The following FAM184A variants were observed in gnomAD, a reference collection of about 807,000 sequenced individuals.
FAM184A encodes protein FAM184A.
Under a neutral mutation model 143.8 loss-of-function variants are expected in FAM184A, and 99 were observed. The ratio of observed to expected loss-of-function variants is 0.69; its 90% CI spans 0.58 to 0.81. The LOEUF (loss-of-function observed/expected upper bound fraction) is 0.81. Among genes scored for constraint, FAM184A ranks in the 40% least tolerant of loss-of-function variants. The pLI is 0.00. For missense variants in FAM184A, 1,217 were observed against 1,310.5 expected (o/e 0.93, Z 1.10); for synonymous variants, 427 against 446.4 (o/e 0.96, Z 0.55).
At chr6:119,082,317 C>T (rs1334044270), upstream of FAM184A, among the ~76,000 whole-genome samples, 2 of 152,166 alleles carry the variant, frequency 1.3e-5, no homozygotes, top group African/African-American at 2.4e-5. Flanking sequence ...CCCCTGTTCC[C>T]TCCCAAATCT....
intron 14 of FAM184A, among the ~76,000 whole-genome samples, chr6:118,970,008 A>ATATTTTTTTTTTTTTT: frequency 1.1e-4 from 2 of 19,046 alleles, no homozygotes; most frequent in Non-Finnish European, 2.3e-4. Context: ...ATATATATAT[A>ATATTTTTTTTTTTTTT]TTTTTTTTTT....
intron 16 of FAM184A, among the ~76,000 whole-genome samples, chr6:118,964,177 C>A (rs1380043895): frequency 6.6e-6 from 1 of 151,982 alleles, no homozygotes; most frequent in African/African-American, 2.4e-5. Context: ...AAACAAAAAA[C>A]CAAACCAAAC....
chr6:119,053,022 G>T (rs1341999075), intron 1 of FAM184A, among the ~76,000 whole-genome samples: 1 of 152,214 alleles, frequency 6.6e-6, no homozygotes. Flanking sequence ...TGTGGAGGAT[G>T]TATTAGATGA....
intron 9 of FAM184A, among the ~76,000 whole-genome samples, chr6:118,992,698 G>A (rs746017849): frequency 5.9e-5 from 9 of 152,080 alleles, no homozygotes; most frequent in East Asian, 1.9e-4. Context: ...AGGCCGAGGC[G>A]GGAGGACTGC....
At chr6:119,074,709 T>C (rs773667634) in intron 1 of FAM184A, among the ~76,000 whole-genome samples, 5 of 152,240 alleles carry the variant, frequency 3.3e-5, no homozygotes, top group African/African-American at 7.2e-5. Flanking sequence ...TGTGGTCTTA[T>C]AAAACATAAT....
At chr6:119,047,052 T>A (rs143303203) in intron 1 of FAM184A, among the ~76,000 whole-genome samples, 1 of 151,778 alleles carries the variant, frequency 6.6e-6, no homozygotes, top group Non-Finnish European at 1.5e-5. Context: ...AATAATCTGA[T>A]AAAAAAATGG....
intron 14 of FAM184A, among the ~76,000 whole-genome samples, chr6:118,972,448 T>C (rs975237228): frequency 6.6e-6 from 1 of 152,064 alleles, no homozygotes; most frequent in African/African-American, 2.4e-5. Context: ...AGTAAACACC[T>C]AAAGCTAGGG....
intron 1 of FAM184A, among the ~76,000 whole-genome samples, chr6:119,118,382 A>C (rs1388671212): frequency 6.6e-6 from 1 of 152,196 alleles, no homozygotes; most frequent in Admixed American, 6.5e-5. Context: ...ACACTCAATA[A>C]TAGTTACCTT....
intron 6 of FAM184A, among the ~76,000 whole-genome samples, chr6:119,010,242 T>C (rs189454424): frequency 2.0e-5 from 3 of 152,326 alleles, no homozygotes; most frequent in African/African-American, 4.8e-5. Context: ...TTAGGTTAAA[T>C]ACACAAAAAA....
At position 119,013,063 on chromosome 6, in the gene FAM184A, G is replaced by A. The variant is rs1211096711; in HGVS notation, c.1531-1632C>T. On this transcript the variant is annotated intron_variant, in intron 5 of 17. Coordinates refer to ENST00000338891, the MANE Select transcript of FAM184A (RefSeq NM_024581.6). ...CTCAGGTTCAGACATGAGGTAGACA[G>A]GCAAGAGTGGAAGAAAGAGCAAGTG... is the stretch of plus-strand genomic sequence containing the variant. 2.0e-5 allele frequency among the ~76,000 whole-genome samples: 3 copies of A among 151,838 alleles called. No homozygotes were observed. The East Asian group carries it at 5.8e-4, about 29-fold the overall frequency.
At chr6:118,970,711 A>C (rs543278442) in intron 14 of FAM184A, among the ~76,000 whole-genome samples, 1 of 152,320 alleles carries the variant, frequency 6.6e-6, no homozygotes, top group Non-Finnish European at 1.5e-5. Flanking sequence ...TTCCATTAAA[A>C]GTAATAGAAG....
At chr6:119,055,303 CA>C (rs888428629) in intron 1 of FAM184A, among the ~76,000 whole-genome samples, 1 of 152,104 alleles carries the variant, frequency 6.6e-6, no homozygotes, top group African/African-American at 2.4e-5. Context: ...GTTGATGTAA[CA>C]GTTGGGTTGT....
At chr6:119,020,181 C>T (rs771620842) in intron 3 of FAM184A, 22 bp from the exon 4 acceptor site, 124 of 1,492,854 alleles carry the variant, frequency 8.3e-5, no homozygotes, top group Non-Finnish European at 1.0e-4. Context: ...AAAGAAAATC[C>T]CTTCAATTTA....
chr6:119,069,695 T>G (rs1342240290), intron 1 of FAM184A, among the ~76,000 whole-genome samples: 1 of 152,172 alleles, frequency 6.6e-6, no homozygotes, highest in Non-Finnish European at 1.5e-5. Flanking sequence ...CTGATGATCC[T>G]AACAATGATC....
chr6:119,099,900 G>A (rs956367914), intron 1 of FAM184A, among the ~76,000 whole-genome samples: 1 of 152,174 alleles, frequency 6.6e-6, no homozygotes, highest in African/African-American at 2.4e-5. Context: ...GCAAATTAAT[G>A]GAACCCAGAA....
At chr6:119,014,931 C>G (rs1184362895) in intron 5 of FAM184A, among the ~76,000 whole-genome samples, 1 of 151,884 alleles carries the variant, frequency 6.6e-6, no homozygotes, top group Non-Finnish European at 1.5e-5. Flanking sequence ...TGGTGGCATG[C>G]GCCTGTAGTC....
intron 1 of FAM184A, among the ~76,000 whole-genome samples, chr6:119,096,591 G>A (rs1452947821): frequency 3.5e-5 from 1 of 28,634 alleles, no homozygotes; most frequent in South Asian, 1.5e-3. Context: ...AGCCGAGATT[G>A]CGCCACTGCA....
intron 1 of FAM184A, among the ~76,000 whole-genome samples, chr6:119,073,621 G>C (rs902763498): frequency 5.3e-5 from 8 of 152,196 alleles, no homozygotes; most frequent in Non-Finnish European, 1.2e-4. Flanking sequence ...GGTAACAGGG[G>C]CCTGTGTCTT....
At chr6:119,136,627 G>T (rs1789675469) in intron 1 of FAM184A, among the ~76,000 whole-genome samples, 1 of 152,178 alleles carries the variant, frequency 6.6e-6, no homozygotes, top group African/African-American at 2.4e-5. Context: ...TTTGGAAAGG[G>T]TAGGAATTAG....
Sources: gnomAD v4.1 joint callset for allele counts (sites outside exome capture counted in the v4.1 genomes callset) on GRCh38, gnomAD v4.1.1 for gene constraint, MANE v1.5 for transcripts, NCBI Gene and HGNC (gene_info 2026-07-23, HGNC 2026-07-21) for gene names.